Variants in LYPLAL1 observed in about 807,000 individuals in gnomAD.
The protein encoded by LYPLAL1 is lysophospholipase like 1.
LYPLAL1 carries 23 observed loss-of-function variants against 19.7 expected under a neutral mutation model. The ratio of observed to expected loss-of-function variants is 1.17; its 90% CI spans 0.84 to 1.65. The LOEUF (loss-of-function observed/expected upper bound fraction) is 1.65, where lower values mean the gene tolerates loss of function less well. Ranked by LOEUF, LYPLAL1 falls within the 40% of genes most tolerant of loss-of-function variation. The pLI is 0.00. For missense variants in LYPLAL1, 355 were observed against 279.4 expected, an observed-to-expected ratio of 1.27 and a Z score of -1.93; for synonymous variants, 119 against 96.3, an observed-to-expected ratio of 1.24 and a Z score of -1.38.
At chr1:219,342,892 G>A in the LYPLAL1 span, among the ~76,000 whole-genome samples, 6 of 152,186 alleles carry the variant, frequency 3.9e-5, no homozygotes, top group East Asian at 1.9e-4. Context: ...TTATTGTTTC[G>A]AAATCACACA....
chr1:219,208,840 A>G lies in LYPLAL1; in HGVS notation c.362-1692A>G, dbSNP rs191846411. ...GTAACTAGAATTGTGGCAAAAAACAATAAAGTTGAGATTTTTTTCTGTGTA... is the reference window on the plus strand; with the variant it reads ...GTAACTAGAATTGTGGCAAAAAACAGTAAAGTTGAGATTTTTTTCTGTGTA... On this transcript the variant is annotated intron_variant, in intron 3 of 4. Transcript: ENST00000366928. Among the ~76,000 whole-genome samples the G allele has an allele frequency of 4.6e-3, 694 of 152,272 alleles. 6 individuals carry two copies. Among genetic ancestry groups the G allele is most frequent in the Non-Finnish European group, 8.2e-3 (555 of 67,976 alleles).
the LYPLAL1 span, among the ~76,000 whole-genome samples, chr1:219,295,267 A>G: frequency 6.6e-6 from 1 of 152,176 alleles, no homozygotes; most frequent in Non-Finnish European, 1.5e-5. Context: ...ATTGTTCACA[A>G]CACACAACCA....
At position 219,211,658 on chromosome 1, in the gene LYPLAL1, AAACTGAGTT is replaced by A; in HGVS notation, c.646_654del (p.Thr216_Leu218del). The A allele has an allele frequency of 1.9e-6, 3 of 1,613,420 alleles. No homozygotes were observed. Among genetic ancestry groups the A allele is most frequent in the Non-Finnish European group, 2.5e-6 (3 of 1,179,566 alleles). Reference sequence around the variant, plus strand: ...CCAAATGTTTACCATGAGCTAAGCAAAACTGAGTTAGACATATTGAAGTTATGGATTCTT... The same window carrying A: ...CCAAATGTTTACCATGAGCTAAGCAAAGACATATTGAAGTTATGGATTCTT... On this transcript the variant is annotated inframe_deletion, in exon 5 of 5. Coordinates refer to ENST00000366928, the MANE Select transcript of LYPLAL1 (RefSeq NM_138794.5).
At chr1:219,235,958 TAGC>T in the LYPLAL1 span, among the ~76,000 whole-genome samples, 1 of 152,314 alleles carries the variant, frequency 6.6e-6, no homozygotes, top group Non-Finnish European at 1.5e-5. Context: ...AAATAAGCAT[TAGC>T]AGCCTTTCTA....
the LYPLAL1 span, among the ~76,000 whole-genome samples, chr1:219,338,146 C>T: frequency 9.2e-5 from 14 of 151,960 alleles, no homozygotes; most frequent in Non-Finnish European, 1.6e-4. Context: ...CAACCTAGAC[C>T]GAAGCCAAAG....
At chr1:219,262,229 T>C in the LYPLAL1 span, among the ~76,000 whole-genome samples, 2 of 152,150 alleles carry the variant, frequency 1.3e-5, no homozygotes, top group Non-Finnish European at 2.9e-5. Flanking sequence ...ATATCTATTT[T>C]TCTGGAAATA....
the LYPLAL1 span, among the ~76,000 whole-genome samples, chr1:219,241,134 C>CTCTCTCTCTCTCTATATATATATA: frequency 3.8e-4 from 17 of 44,348 alleles, no homozygotes; most frequent in Non-Finnish European, 5.2e-4. Context: ...CTCTCTCTCT[C>CTCTCTCTCTCTCTATATATATATA]TATATATATA....
the LYPLAL1 span, among the ~76,000 whole-genome samples, chr1:219,311,532 G>A: frequency 1.9e-5 from 1 of 53,676 alleles, no homozygotes; most frequent in Non-Finnish European, 4.3e-5. Flanking sequence ...TATGTTGTAG[G>A]TGTTTTTTTT....
chr1:219,298,498 C>G, the LYPLAL1 span, among the ~76,000 whole-genome samples: 3 of 152,144 alleles, frequency 2.0e-5, no homozygotes, highest in African/African-American at 7.2e-5. Flanking sequence ...TGAAAACCAC[C>G]TTCTTCCTCT....
chr1:219,410,736 G>A, the LYPLAL1 span, among the ~76,000 whole-genome samples: 4 of 152,338 alleles, frequency 2.6e-5, 1 homozygote, highest in South Asian at 8.3e-4. Context: ...GGTGGGCCCC[G>A]CACTCGGAGC....
chr1:219,351,352 A>G, the LYPLAL1 span, among the ~76,000 whole-genome samples: 1 of 152,198 alleles, frequency 6.6e-6, no homozygotes, highest in South Asian at 2.1e-4. Context: ...AGTGGTATAG[A>G]AAAGAGGAAA....
chr1:219,193,463 C>G, intron 3 of LYPLAL1: 1 of 299,224 alleles, frequency 3.3e-6, no homozygotes, highest in Non-Finnish European at 6.1e-6. Flanking sequence ...TGAATAATAA[C>G]GGATTTTGAG....
At chr1:219,189,332 TG>T (rs1656966699) in intron 2 of LYPLAL1, among the ~76,000 whole-genome samples, 1 of 151,658 alleles carries the variant, frequency 6.6e-6, no homozygotes, top group Non-Finnish European at 1.5e-5. Context: ...AAGTGAGTGT[TG>T]TATTTTTGAT....
At chr1:219,266,688 C>G in the LYPLAL1 span, among the ~76,000 whole-genome samples, 1 of 152,148 alleles carries the variant, frequency 6.6e-6, no homozygotes, top group Non-Finnish European at 1.5e-5. Flanking sequence ...AGCATCACCA[C>G]AAACATGTGA....
chr1:219,424,003 G>A, the LYPLAL1 span, among the ~76,000 whole-genome samples: 1 of 148,940 alleles, frequency 6.7e-6, no homozygotes, highest in African/African-American at 2.5e-5. Flanking sequence ...ATACACTATA[G>A]TATATAATTT....
the LYPLAL1 span, among the ~76,000 whole-genome samples, chr1:219,348,689 G>A: frequency 2.6e-5 from 4 of 152,248 alleles, no homozygotes; most frequent in Middle Eastern, 3.4e-3. Context: ...TCTAGCAAAT[G>A]TTCAGAAGAG....
the LYPLAL1 span, among the ~76,000 whole-genome samples, chr1:219,418,807 C>T: frequency 2.0e-5 from 3 of 152,228 alleles, no homozygotes; most frequent in African/African-American, 7.2e-5. Flanking sequence ...TCATTCCTCT[C>T]TCCATCTCCT....
chr1:219,243,640 C>T, the LYPLAL1 span, among the ~76,000 whole-genome samples: 3 of 152,044 alleles, frequency 2.0e-5, no homozygotes, highest in African/African-American at 4.8e-5. Flanking sequence ...TAAAAAAGGT[C>T]CCGGCGCAGT....
intron 2 of LYPLAL1, among the ~76,000 whole-genome samples, chr1:219,183,679 A>G (rs1179935903): frequency 6.6e-6 from 1 of 151,936 alleles, no homozygotes; most frequent in Admixed American, 6.6e-5. Context: ...GAGTCACTTA[A>G]TGAGTGACTT....
Sources: allele counts gnomAD v4.1 joint callset (sites outside exome capture counted in the v4.1 genomes callset), GRCh38; gene constraint gnomAD v4.1.1; transcripts MANE v1.5; gene names NCBI Gene and HGNC (gene_info 2026-07-23, HGNC 2026-07-21).